Variants in VPS13A observed in about 807,000 individuals in gnomAD.
VPS13A encodes vacuolar protein sorting 13 homolog A.
VPS13A carries 264 observed loss-of-function variants against 390.9 expected under a neutral mutation model. That is an observed-to-expected ratio of 0.68 (90% confidence interval 0.61 to 0.75). VPS13A has a LOEUF of 0.75. VPS13A is among the 30% of genes least tolerant of loss of function. The pLI, the probability that VPS13A is intolerant of heterozygous loss-of-function variation, is 0.00. For missense variants in VPS13A, 3,409 were observed against 3,733.9 expected, an observed-to-expected ratio of 0.91 and a Z score of 2.27; for synonymous variants, 1,231 against 1,227.1, an observed-to-expected ratio of 1.00 and a Z score of -0.07.
rs1825232096 is a variant in VPS13A, at chr9:77,200,014, T to C, written c.144+26T>C. 3 of 1,577,432 alleles carry C rather than the reference T, an allele frequency of 1.9e-6. No homozygotes were observed. In the East Asian group the frequency reaches 6.7e-5, roughly 35 times the overall value. ...GTAGGTTTTGACTATGAAAAATTTG[T>C]AAAGTTATTGCATTTAATTATGTAT... On this transcript the variant is annotated intron_variant, in intron 2 of 71. Coordinates refer to ENST00000360280, the MANE Select transcript of VPS13A (RefSeq NM_033305.3).
intron 67 of VPS13A, among the ~76,000 whole-genome samples, chr9:77,378,321 A>G (rs572449798): frequency 9.8e-4 from 149 of 152,044 alleles, no homozygotes; most frequent in African/African-American, 3.0e-3. Context: ...TGACAAATTC[A>G]CTCTCTTTAC....
chr9:77,375,323 A>C (rs1254090201), intron 67 of VPS13A, among the ~76,000 whole-genome samples: 1 of 152,192 alleles, frequency 6.6e-6, no homozygotes, highest in East Asian at 1.9e-4. Flanking sequence ...AATGGGTTAC[A>C]AGATTCAAAG....
intron 45 of VPS13A, 35 bp downstream of exon 45, chr9:77,323,262 A>C: frequency 6.2e-7 from 1 of 1,608,260 alleles, no homozygotes; most frequent in East Asian, 2.2e-5. Flanking sequence ...ATGTCCTGTT[A>C]TGCATATCTG....
At position 77,382,100 on chromosome 9, in the gene VPS13A, C is replaced by A. The variant is rs761827263; in HGVS notation, c.9189+13C>A. 1 of 1,582,236 alleles carries A rather than the reference C, an allele frequency of 6.3e-7. No homozygotes were observed. The highest frequency in any genetic ancestry group is 8.7e-7 in the Non-Finnish European group (1 of 1,155,176). ...TCAAATGTTACAGGTAAATTAAGAG[C>A]TATCTTATAAATTAAGATTAATTTA... On this transcript the variant is annotated intron_variant, in intron 68 of 71. Transcript: ENST00000360280.
chr9:77,223,884 G>C (rs1564643279), intron 13 of VPS13A, among the ~76,000 whole-genome samples: 1 of 152,126 alleles, frequency 6.6e-6, no homozygotes, highest in African/African-American at 2.4e-5. Flanking sequence ...CTCCTAGCTA[G>C]AGTGAAAAAG....
chr9:77,242,034 G>C (rs1824528475), intron 19 of VPS13A, among the ~76,000 whole-genome samples: 1 of 152,068 alleles, frequency 6.6e-6, no homozygotes, highest in East Asian at 1.9e-4. Flanking sequence ...GTTCTGAGAG[G>C]CTGAAATTAT....
intron 71 of VPS13A, among the ~76,000 whole-genome samples, chr9:77,411,386 G>A (rs565418644): frequency 1.3e-4 from 19 of 152,000 alleles, no homozygotes; most frequent in African/African-American, 3.4e-4. Context: ...GAACTAGGCC[G>A]GGCACAGTGG....
intron 58 of VPS13A, among the ~76,000 whole-genome samples, chr9:77,360,284 A>G (rs1484010271): frequency 1.3e-5 from 2 of 152,094 alleles, no homozygotes; most frequent in Non-Finnish European, 2.9e-5. Flanking sequence ...ATTCATTATC[A>G]CTAATATATA....
At position 77,315,777 on chromosome 9, in the gene VPS13A, A is replaced by G. The variant is rs182937348; in HGVS notation, c.4630+307A>G. ...AAAAAACAAGCAGAGCAAATAATGA[A>G]CCAACCATACCTTTTCACAATTAAG... is the stretch of plus-strand genomic sequence containing the variant. On this transcript the variant is annotated intron_variant, in intron 38 of 71. Coordinates refer to ENST00000360280, the MANE Select transcript of VPS13A (RefSeq NM_033305.3). Among the ~76,000 whole-genome samples the G allele has an allele frequency of 1.2e-4, 18 of 152,246 alleles. 1 individual carries two copies. In the East Asian group the frequency reaches 3.1e-3, roughly 26 times the overall value.
At chr9:77,344,566 G>C (rs1831039624) in intron 51 of VPS13A, among the ~76,000 whole-genome samples, 1 of 152,024 alleles carries the variant, frequency 6.6e-6, no homozygotes, top group Non-Finnish European at 1.5e-5. Flanking sequence ...GACCATCCTG[G>C]CTAACACGGT....
intron 10 of VPS13A, among the ~76,000 whole-genome samples, chr9:77,217,107 T>C (rs911035818): frequency 6.6e-6 from 1 of 152,124 alleles, no homozygotes; most frequent in African/African-American, 2.4e-5. Context: ...ATATTAACCA[T>C]TACATGAGAT....
intron 52 of VPS13A, among the ~76,000 whole-genome samples, chr9:77,349,124 A>G (rs542393591): frequency 6.6e-6 from 1 of 152,310 alleles, no homozygotes; most frequent in African/African-American, 2.4e-5. Flanking sequence ...AAAAAATGTG[A>G]AAGAGGACCA....
intron 24 of VPS13A, among the ~76,000 whole-genome samples, chr9:77,274,426 CAAAA>C (rs889400152): frequency 3.2e-5 from 2 of 62,212 alleles, no homozygotes; most frequent in Non-Finnish European, 6.3e-5. Context: ...GAGTCCGAAT[CAAAA>C]AAAAAAAAAA....
At chr9:77,392,029 G>A (rs574461705) in intron 68 of VPS13A, among the ~76,000 whole-genome samples, 134 of 152,258 alleles carry the variant, frequency 8.8e-4, no homozygotes, top group African/African-American at 3.1e-3. Context: ...TTCTGGTGAT[G>A]GGGCATAAAA....
intron 1 of VPS13A, among the ~76,000 whole-genome samples, chr9:77,195,627 C>G (rs899989813): frequency 2.0e-5 from 3 of 152,106 alleles, no homozygotes; most frequent in African/African-American, 7.2e-5. Context: ...ATCCCAGCTA[C>G]TCAGGAGGCT....
intron 34 of VPS13A, among the ~76,000 whole-genome samples, chr9:77,305,145 A>G (rs546927517): frequency 1.7e-4 from 26 of 152,160 alleles, no homozygotes; most frequent in South Asian, 6.2e-4. Context: ...TCACCGTGTT[A>G]GCCAGGATGG....
chr9:77,332,251 C>A, intron 46 of VPS13A, 138 bp downstream of exon 46: 1 of 650,622 alleles, frequency 1.5e-6, no homozygotes, highest in Non-Finnish European at 2.8e-6. Context: ...GCACTTAGAT[C>A]TTAAAAAAGA....
chr9:77,414,063 G>T (rs531053455), intron 71 of VPS13A, among the ~76,000 whole-genome samples: 1 of 152,286 alleles, frequency 6.6e-6, no homozygotes, highest in East Asian at 1.9e-4. Flanking sequence ...CAGTTAGAAT[G>T]GTGATCATTA....
chr9:77,318,634 T>A, intron 41 of VPS13A, 43 bp downstream of exon 41: 1 of 1,396,214 alleles, frequency 7.2e-7, no homozygotes, highest in South Asian at 1.2e-5. Flanking sequence ...ATGATACGTA[T>A]GGAATATTAT....
Sources: allele counts gnomAD v4.1 joint callset (sites outside exome capture counted in the v4.1 genomes callset), GRCh38; gene constraint gnomAD v4.1.1; transcripts MANE v1.5; gene names NCBI Gene and HGNC (gene_info 2026-07-23, HGNC 2026-07-21).